The following CRYBG3 variants were observed in gnomAD, a reference collection of about 807,000 sequenced individuals.
The protein encoded by CRYBG3 is very large A-kinase anchor protein.
Under a neutral mutation model 244.2 loss-of-function variants are expected in CRYBG3, and 127 were observed. That is an observed-to-expected ratio of 0.52 (90% CI 0.45 to 0.60). The LOEUF is 0.60. Among genes scored for constraint, CRYBG3 ranks in the 20% least tolerant of loss-of-function variants. The pLI is 0.00. For synonymous variants in CRYBG3, 1,132 were observed against 1,195.8 expected (o/e 0.95, Z 1.10); for missense variants, 3,325 against 3,442.5 (o/e 0.97, Z 0.85).
At chr3:97,849,068 G>A (rs2038946518) in intron 2 of CRYBG3, among the ~76,000 whole-genome samples, 1 of 152,192 alleles carries the variant, frequency 6.6e-6, no homozygotes, top group Admixed American at 6.5e-5. Context: ...CCAGGTGGTG[G>A]CTTGGTAACT....
intron 17 of CRYBG3, among the ~76,000 whole-genome samples, chr3:97,926,777 C>T (rs2040045320): frequency 1.3e-5 from 2 of 152,062 alleles, no homozygotes; most frequent in South Asian, 4.2e-4. Flanking sequence ...ACACCGGTAA[C>T]GTCCAAGCTG....
intron 18 of CRYBG3, among the ~76,000 whole-genome samples, chr3:97,934,301 G>GA (rs2107100540): frequency 6.6e-6 from 1 of 152,068 alleles, no homozygotes; most frequent in East Asian, 1.9e-4. Context: ...CTGCCTTTAA[G>GA]AAAAAATTTA....
In CRYBG3 at chr3:97,892,879, C is replaced by T. The variant is rs759481469; in HGVS notation, c.7460C>T (p.Pro2487Leu). ...TTTCAGGTTATTATTTATGAAAAAC[C>T]TCACTTCCATGGACAGGCTAAAGAG... ...MNLKVIIYEK[P>L]HFHGQAKEFS... The change falls in exon 11 of 22, where the codon CCT becomes CTT. Residue 2487 changes from proline (P) to leucine (L), a missense_variant. By Grantham distance (98) the Pro-to-Leu change is moderately conservative. This residue lies in a region of CRYBG3 where 714 missense variants were observed against 803.6 expected (regional missense o/e 0.89). Transcript: ENST00000389622. 32 of 1,500,728 alleles carry T rather than the reference C, an allele frequency of 2.1e-5. No individual in the cohort carries two copies. In the African/African-American group the frequency reaches 4.3e-4, roughly 20 times the overall value. 93.0% of individuals were successfully genotyped at this position (1,500,728 alleles called of 1,614,324 possible).
chr3:97,861,467 T>G (rs1267360629), intron 2 of CRYBG3, among the ~76,000 whole-genome samples: 2 of 152,194 alleles, frequency 1.3e-5, no homozygotes, highest in Admixed American at 6.5e-5. Flanking sequence ...TCCTGTATTT[T>G]GTTGCGTTGG....
intron 1 of CRYBG3, among the ~76,000 whole-genome samples, chr3:97,825,919 G>A (rs1397893383): frequency 6.6e-6 from 1 of 152,186 alleles, no homozygotes. Context: ...GTGAGGAAAG[G>A]AAGCTTTGTT....
At chr3:97,822,589 A>C (rs1358177994) in intron 1 of CRYBG3, among the ~76,000 whole-genome samples, 1 of 152,106 alleles carries the variant, frequency 6.6e-6, no homozygotes, top group Non-Finnish European at 1.5e-5. Flanking sequence ...CGGCAGCCGG[A>C]CGCATATCCC....
intron 1 of CRYBG3, among the ~76,000 whole-genome samples, chr3:97,823,822 A>G (rs1414263220): frequency 3.3e-5 from 5 of 152,206 alleles, no homozygotes; most frequent in African/African-American, 1.2e-4. Flanking sequence ...ATTCAGGCTC[A>G]TGTCAGTAAT....
intron 19 of CRYBG3, among the ~76,000 whole-genome samples, chr3:97,940,930 T>C (rs1178844672): frequency 6.6e-6 from 1 of 151,952 alleles, no homozygotes; most frequent in African/African-American, 2.4e-5. Context: ...AAGGGCACTT[T>C]TCACAAAGTG....
At chr3:97,863,727 C>T (rs1212039176) in intron 2 of CRYBG3, among the ~76,000 whole-genome samples, 1 of 152,066 alleles carries the variant, frequency 6.6e-6, no homozygotes, top group Non-Finnish European at 1.5e-5. Context: ...AATTTAAATA[C>T]TCATAAGGTT....
chr3:97,876,356 A>C lies in CRYBG3; in HGVS notation c.5162A>C (p.Asp1721Ala). Reference protein sequence around the residue: ...TLAMENTYQKDAEGDIGKAEV... With the variant: ...TLAMENTYQKAAEGDIGKAEV... ...GCAATGGAAAATACTTACCAAAAGG[A>C]TGCTGAAGGGGATATTGGAAAGGCT... The change falls in exon 4 of 22, where the codon GAT (aspartate) becomes GCT (alanine). Residue 1721 changes from aspartate to alanine, a missense_variant. Physicochemically the swap from Asp to Ala is moderately radical, Grantham distance 126. This residue lies in a region of CRYBG3 where 635 missense variants were observed against 771.7 expected (regional missense o/e 0.82). Transcript: ENST00000389622. The C allele has an allele frequency of 8.1e-7, 1 of 1,232,120 alleles. No individual in the cohort carries two copies. The allele number at this position is 1,232,120 out of a possible 1,614,324, so 76.3% of individuals were successfully genotyped here. A position where few individuals can be genotyped will look rare whatever the true frequency, so the allele number is the denominator to read the frequency against.
rs1241743987 is a variant in CRYBG3, at chr3:97,933,738, T to G, written c.8286T>G (p.Cys2762Trp). 6.2e-7 allele frequency: 1 copy of G among 1,613,016 alleles called. No individual in the cohort carries two copies. Among genetic ancestry groups the G allele is most frequent in the Admixed American group, 1.7e-5 (1 of 59,912 alleles). ...PSISLFALEH[C>W]EGRELHLEEA... is the part of the protein sequence containing the mutation. ...TCAGCCTTTTTGCTCTGGAGCATTG[T>G]GAGGGAAGAGAGTTACATCTAGAAG... The change falls in exon 18 of 22, where the codon TGT (cysteine) becomes TGG (tryptophan). Residue 2762 changes from cysteine (C) to tryptophan (W), a missense_variant. By Grantham distance (215) the Cys-to-Trp change is radical. Transcript: ENST00000389622.
Position 97,872,939 on chromosome 3 carries a change from G to A in CRYBG3, c.1745G>A (p.Arg582Lys), listed in dbSNP as rs2039323645. ...TCACATGATAAAATTCCTCATATTAGAATGAATAAAAAAGACCTGGCCTCT... is the reference window on the plus strand; with the variant it reads ...TCACATGATAAAATTCCTCATATTAAAATGAATAAAAAAGACCTGGCCTCT... ...FRSHDKIPHIRMNKKDLASLN... is the reference protein window; with the variant it reads ...FRSHDKIPHIKMNKKDLASLN... Residue 582 changes from arginine to lysine, a missense_variant, in exon 4 of 22, where the codon AGA (arginine) becomes AAA (lysine). Physicochemically the swap from Arg to Lys is conservative, Grantham distance 26 (BLOSUM62 2). This residue lies in a region of CRYBG3 where 1,526 missense variants were observed against 1,443.2 expected (regional missense o/e 1.06). Transcript: ENST00000389622. The A allele has an allele frequency of 6.5e-7, 1 of 1,530,542 alleles. No homozygotes were observed. Among genetic ancestry groups the A allele is most frequent in the Non-Finnish European group, 8.7e-7 (1 of 1,145,636 alleles). The allele number at this position is 1,530,542 out of a possible 1,614,324, so 94.8% of individuals were successfully genotyped here.
At chr3:97,869,071 G>A (rs1366871805) in intron 3 of CRYBG3, among the ~76,000 whole-genome samples, 1 of 149,994 alleles carries the variant, frequency 6.7e-6, no homozygotes, top group Non-Finnish European at 1.5e-5. Context: ...AAAGGCTTTT[G>A]TATTTTCTGA....
intron 11 of CRYBG3, among the ~76,000 whole-genome samples, chr3:97,895,684 G>A (rs373699011): frequency 1.3e-5 from 2 of 152,130 alleles, no homozygotes; most frequent in African/African-American, 4.8e-5. Context: ...ACCAACTTGC[G>A]CTGTAGTATC....
At chr3:97,942,933 C>T (rs911972222) in intron 21 of CRYBG3, 2 of 321,814 alleles carry the variant, frequency 6.2e-6, no homozygotes, top group Admixed American at 5.1e-5. Flanking sequence ...CAGTACCTGA[C>T]ATTCAGCCAG....
At chr3:97,832,585 C>T (rs1300844412) in intron 1 of CRYBG3, among the ~76,000 whole-genome samples, 1 of 152,080 alleles carries the variant, frequency 6.6e-6, no homozygotes, top group Non-Finnish European at 1.5e-5. Flanking sequence ...GGATTAAAGA[C>T]TTAAATGTAA....
intron 15 of CRYBG3, among the ~76,000 whole-genome samples, chr3:97,903,039 A>G (rs915573617): frequency 6.6e-6 from 1 of 152,156 alleles, no homozygotes; most frequent in African/African-American, 2.4e-5. Flanking sequence ...TCAGCCAAGT[A>G]CCTTTTGTTT....
At chr3:97,860,649 C>A (rs1250741065) in intron 2 of CRYBG3, among the ~76,000 whole-genome samples, 5 of 152,084 alleles carry the variant, frequency 3.3e-5, no homozygotes, top group Non-Finnish European at 7.4e-5. Context: ...CCTCATCTTT[C>A]TTGAGCTCAC....
chr3:97,872,948 A>G lies in CRYBG3; in HGVS notation c.1754A>G (p.Lys585Arg), dbSNP rs1343890590. 6 of 1,530,892 alleles carry G rather than the reference A, an allele frequency of 3.9e-6. No individual in the cohort carries two copies. The South Asian group carries it at 6.1e-5, about 15-fold the overall frequency. 94.8% of individuals were successfully genotyped at this position (1,530,892 alleles called of 1,614,324 possible). The change falls in exon 4 of 22, where the codon AAA (lysine) becomes AGA (arginine). Residue 585 changes from lysine to arginine, a missense_variant. Lys to Arg is a conservative substitution (Grantham distance 26). Around this residue, in one of 4 missense-constraint regions of CRYBG3, gnomAD observed 1,526 missense variants for 1,443.2 expected, o/e 1.06. Transcript: ENST00000389622. ...HDKIPHIRMNKKDLASLNYIS... is the reference protein window; with the variant it reads ...HDKIPHIRMNRKDLASLNYIS... Reference sequence around the variant, plus strand: ...AAAATTCCTCATATTAGAATGAATAAAAAAGACCTGGCCTCTTTAAATTAC... The same window carrying G: ...AAAATTCCTCATATTAGAATGAATAGAAAAGACCTGGCCTCTTTAAATTAC...
Sources: allele counts gnomAD v4.1 joint callset (sites outside exome capture counted in the v4.1 genomes callset), GRCh38; gene constraint gnomAD v4.1.1; regional missense constraint gnomAD v4.1.1; transcripts MANE v1.5; gene names NCBI Gene and HGNC (gene_info 2026-07-23, HGNC 2026-07-21).